The following HECW2 variants were observed in gnomAD, a reference collection of about 807,000 sequenced individuals.
HECW2 encodes HECT, C2 and WW domain containing E3 ubiquitin protein ligase 2, also known as E3 ubiquitin-protein ligase HECW2.
Under a neutral mutation model 175.2 loss-of-function variants are expected in HECW2, and 61 were observed. That is an observed-to-expected ratio of 0.35 (90% CI 0.28 to 0.43). HECW2 has a LOEUF of 0.43. HECW2 is among the 20% of genes least tolerant of loss of function. The probability of loss-of-function intolerance (pLI) is 1.00; values close to 1 mark genes in which losing one functional copy is unlikely to be tolerated. For synonymous variants in HECW2, 671 were observed against 731.0 expected (o/e 0.92, Z 1.32); for missense variants, 1,524 against 2,000.5 (o/e 0.76, Z 4.54).
In HECW2 at chr2:196,308,060, G is replaced by A. The variant is rs551554445; in HGVS notation, c.2460C>T (p.His820=). 5.5e-5 allele frequency: 88 copies of A among 1,589,918 alleles called. No individual in the cohort carries two copies. The South Asian group carries it at 7.0e-4, about 13-fold the overall frequency. The change falls in exon 11 of 29, where the codon CAC becomes CAT. Residue 820 remains histidine (H), a synonymous_variant. Coordinates refer to ENST00000644978, the MANE Select transcript of HECW2 (RefSeq NM_001348768.2). ...CGTGATCCACGTAGAAGATCCTGCC[G>A]TGGCTGTCAATGCGTGCCTCCCAGT... ...PPNWEARIDS[H]GRIFYVDHVN...
At chr2:196,428,115 CA>C (rs1269042307) in intron 2 of HECW2, among the ~76,000 whole-genome samples, 9 of 152,250 alleles carry the variant, frequency 5.9e-5, no homozygotes, top group Non-Finnish European at 1.0e-4. Flanking sequence ...GAAACACAAT[CA>C]AAATGCAGAG....
chr2:196,436,940 A>G (rs1695894815), intron 1 of HECW2, among the ~76,000 whole-genome samples: 1 of 152,196 alleles, frequency 6.6e-6, no homozygotes, highest in Admixed American at 6.5e-5. Context: ...AGGGCATCTG[A>G]AAGTGATAAA....
chr2:196,500,932 G>A (rs1687558484), intron 1 of HECW2, among the ~76,000 whole-genome samples: 1 of 152,158 alleles, frequency 6.6e-6, no homozygotes, highest in South Asian at 2.1e-4. Flanking sequence ...GCCCCCACAT[G>A]GAAGGCAAGA....
chr2:196,398,790 A>G (rs931638282), intron 2 of HECW2, among the ~76,000 whole-genome samples: 11 of 152,212 alleles, frequency 7.2e-5, no homozygotes, highest in Admixed American at 4.6e-4. Context: ...CAGAAGCTCA[A>G]TAACTCTGAG....
intron 1 of HECW2, among the ~76,000 whole-genome samples, chr2:196,464,816 C>T (rs889923764): frequency 1.3e-5 from 2 of 152,018 alleles, no homozygotes; most frequent in South Asian, 2.1e-4. Context: ...CCGAGGTGGG[C>T]GGATCACGAG....
At chr2:196,546,002 A>G (rs1689408601) in intron 1 of HECW2, among the ~76,000 whole-genome samples, 2 of 152,238 alleles carry the variant, frequency 1.3e-5, no homozygotes, top group Non-Finnish European at 1.5e-5. Flanking sequence ...GACATTTTCA[A>G]TTATGGAGAA....
At chr2:196,449,645 T>A (rs1053513059) in intron 1 of HECW2, among the ~76,000 whole-genome samples, 4 of 152,162 alleles carry the variant, frequency 2.6e-5, no homozygotes, top group Admixed American at 1.3e-4. Flanking sequence ...AAGAAATAAA[T>A]CCATTCAGTT....
intron 1 of HECW2, among the ~76,000 whole-genome samples, chr2:196,551,543 T>C (rs569130175): frequency 6.6e-6 from 1 of 152,306 alleles, no homozygotes; most frequent in East Asian, 1.9e-4. Flanking sequence ...CTATTCCAGA[T>C]GATAATTCAA....
chr2:196,319,517 T>C lies in HECW2; in HGVS notation c.1373A>G (p.Asn458Ser), dbSNP rs1384907915. The C allele has an allele frequency of 1.2e-6, 2 of 1,614,192 alleles. No homozygotes were observed. The highest frequency in any genetic ancestry group is 2.2e-5 in the South Asian group (2 of 91,088). Residue 458 changes from asparagine (N) to serine (S), a missense_variant, in exon 9 of 29, where the codon AAT becomes AGT. Transcript: ENST00000644978. Reference protein sequence around the residue: ...RSSFPTDTRLNAMLHIDSDEE... With the variant: ...RSSFPTDTRLSAMLHIDSDEE... ...ATCTGAATCAATATGAAGCATGGCATTGAGTCTTGTGTCAGTGGGAAAACT... is the reference window on the plus strand; with the variant it reads ...ATCTGAATCAATATGAAGCATGGCACTGAGTCTTGTGTCAGTGGGAAAACT...
intron 28 of HECW2, among the ~76,000 whole-genome samples, chr2:196,201,644 A>G (rs1686863314): frequency 6.6e-6 from 1 of 152,216 alleles, no homozygotes; most frequent in Non-Finnish European, 1.5e-5. Context: ...TTTAAAAGCT[A>G]TATTACATAT....
At chr2:196,356,911 G>A (rs1023530859) in intron 2 of HECW2, among the ~76,000 whole-genome samples, 12 of 152,166 alleles carry the variant, frequency 7.9e-5, no homozygotes, top group African/African-American at 4.8e-5. Flanking sequence ...GTCTTGGAAC[G>A]TATCCCCCGT....
chr2:196,528,940 A>C (rs577583376), intron 1 of HECW2, among the ~76,000 whole-genome samples: 1 of 152,348 alleles, frequency 6.6e-6, no homozygotes, highest in South Asian at 2.1e-4. Context: ...GACTTCCTTT[A>C]TCTGTGCAGG....
intron 21 of HECW2, among the ~76,000 whole-genome samples, chr2:196,235,810 C>T (rs537098050): frequency 6.6e-6 from 1 of 151,870 alleles, no homozygotes; most frequent in South Asian, 2.1e-4. Flanking sequence ...GCACCCGCCA[C>T]CATGCCCGGC....
rs1349428833 is a variant in HECW2, at chr2:196,322,536, G to A, written c.826C>T (p.Arg276Cys). The A allele has an allele frequency of 5.0e-6, 8 of 1,613,930 alleles. No individual in the cohort carries two copies. In the Admixed American group the frequency reaches 8.3e-5, roughly 17 times the overall value. The change falls in exon 7 of 29, where the codon CGT becomes TGT. Residue 276 changes from arginine to cysteine, a missense_variant. By Grantham distance (180) the Arg-to-Cys change is radical (BLOSUM62 -3). This residue lies in a region of HECW2 where 95 missense variants were observed against 136.8 expected (regional missense o/e 0.69). Coordinates refer to ENST00000644978, the MANE Select transcript of HECW2 (RefSeq NM_001348768.2). Reference protein sequence around the residue: ...KFAKSRPIIKRFLGKLTIPVQ... With the variant: ...KFAKSRPIIKCFLGKLTIPVQ... The stretch of plus-strand genomic sequence containing the variant: ...GGAATGGTTAGTTTCCCCAGAAAAC[G>A]CTTGATGATGGGACGGCTCTTGGCA...
At chr2:196,411,550 T>G (rs1318412493) in intron 2 of HECW2, among the ~76,000 whole-genome samples, 1 of 152,232 alleles carries the variant, frequency 6.6e-6, no homozygotes. Context: ...GGCACTGTAC[T>G]TCTGTAAAAG....
chr2:196,230,056 C>T (rs1426937835), intron 21 of HECW2, among the ~76,000 whole-genome samples: 1 of 152,168 alleles, frequency 6.6e-6, no homozygotes, highest in Non-Finnish European at 1.5e-5. Flanking sequence ...CAGCAGACTC[C>T]CAGAGCCAAA....
At chr2:196,493,845 C>T (rs1233206107) in intron 1 of HECW2, among the ~76,000 whole-genome samples, 1 of 152,028 alleles carries the variant, frequency 6.6e-6, no homozygotes, top group Non-Finnish European at 1.5e-5. Flanking sequence ...ACTGGCTTCC[C>T]AATATAAGCA....
intron 10 of HECW2, among the ~76,000 whole-genome samples, chr2:196,310,768 T>TTGTGTGTGTGTGTG (rs143340435): frequency 0.11 from 15,840 of 147,808 alleles, 1,254 homozygotes; most frequent in African/African-American, 0.23. Flanking sequence ...AGCAACGATT[T>TTGTGTGTGTGTGTG]TGTGTGTGTG....
Position 196,197,135 on chromosome 2 carries a change from A to G in HECW2, c.*4142T>C, listed in dbSNP as rs752342235. The G allele has an allele frequency of 6.6e-6, 1 of 152,126 alleles. No homozygotes were observed. The highest frequency in any genetic ancestry group is 1.5e-5 in the Non-Finnish European group (1 of 68,012). The allele number at this position is 152,126 out of a possible 1,614,324, so 9.4% of individuals were successfully genotyped here. A position where few individuals can be genotyped will look rare whatever the true frequency, so the allele number is the denominator to read the frequency against. On this transcript the variant is annotated 3_prime_UTR_variant, in exon 29 of 29. Coordinates refer to ENST00000644978, the MANE Select transcript of HECW2 (RefSeq NM_001348768.2). ...GAAACTGAGACTCAGTTTGGAGATT[A>G]GACCACATTCTTCTTATGCATGTTT...
Sources: gnomAD v4.1 joint callset for allele counts (sites outside exome capture counted in the v4.1 genomes callset) on GRCh38, gnomAD v4.1.1 for gene constraint, gnomAD v4.1.1 regional missense constraint, MANE v1.5 for transcripts, NCBI Gene and HGNC (gene_info 2026-07-23, HGNC 2026-07-21) for gene names.